PPARGC1A: variants seen among roughly 807,000 people sequenced by gnomAD.
The protein encoded by PPARGC1A is peroxisome proliferator-activated receptor gamma coactivator 1-alpha.
In PPARGC1A, 25 loss-of-function variants were observed where a neutral mutation model predicts 88.7. That is an observed-to-expected ratio of 0.28 (90% CI 0.21 to 0.39). The LOEUF (loss-of-function observed/expected upper bound fraction) is 0.39. Among genes scored for constraint, PPARGC1A ranks in the 10% least tolerant of loss-of-function variants. The pLI is 1.00. For synonymous variants in PPARGC1A, 363 were observed against 355.6 expected (o/e 1.02, Z -0.24); for missense variants, 880 against 968.7 (o/e 0.91, Z 1.22).
the PPARGC1A span, among the ~76,000 whole-genome samples, chr4:24,289,032 C>T: frequency 6.6e-6 from 1 of 151,882 alleles, no homozygotes; most frequent in African/African-American, 2.4e-5. Flanking sequence ...CCAGCCTGGC[C>T]AATATGGTGA....
chr4:24,121,542 T>C, the PPARGC1A span, among the ~76,000 whole-genome samples: 2 of 152,134 alleles, frequency 1.3e-5, no homozygotes, highest in African/African-American at 4.8e-5. Flanking sequence ...CCATACCCTC[T>C]TGGACACAGG....
chr4:23,860,484 T>A (rs547263968), intron 2 of PPARGC1A, among the ~76,000 whole-genome samples: 1 of 152,270 alleles, frequency 6.6e-6, no homozygotes, highest in East Asian at 1.9e-4. Flanking sequence ...AAAAAGTAAC[T>A]ATGTGAGGTG....
chr4:24,344,528 G>A, the PPARGC1A span, among the ~76,000 whole-genome samples: 12 of 151,282 alleles, frequency 7.9e-5, no homozygotes, highest in East Asian at 5.8e-4. Flanking sequence ...TCATATATTC[G>A]TTGGCCATTT....
chr4:23,967,963 G>C, the PPARGC1A span, among the ~76,000 whole-genome samples: 1 of 152,190 alleles, frequency 6.6e-6, no homozygotes, highest in Non-Finnish European at 1.5e-5. Flanking sequence ...GAGAGTCCAA[G>C]AGGTGAAGGG....
At chr4:24,207,717 T>C in the PPARGC1A span, among the ~76,000 whole-genome samples, 1 of 152,240 alleles carries the variant, frequency 6.6e-6, no homozygotes, top group Non-Finnish European at 1.5e-5. Context: ...AAAAATTTCC[T>C]CAGCCTCAAA....
At chr4:24,165,033 T>G in the PPARGC1A span, among the ~76,000 whole-genome samples, 2 of 152,320 alleles carry the variant, frequency 1.3e-5, no homozygotes, top group East Asian at 3.9e-4. Context: ...TACAATAATC[T>G]TTTGGTCAAT....
the PPARGC1A span, among the ~76,000 whole-genome samples, chr4:24,433,614 C>T: frequency 1.3e-5 from 2 of 152,058 alleles, no homozygotes; most frequent in Non-Finnish European, 2.9e-5. Context: ...TTTTAGATAA[C>T]GACTTTCCTC....
the PPARGC1A span, among the ~76,000 whole-genome samples, chr4:24,207,937 T>C: frequency 6.6e-6 from 1 of 152,172 alleles, no homozygotes; most frequent in African/African-American, 2.4e-5. Flanking sequence ...TGCCCTTCCA[T>C]TGGCTAGATA....
chr4:23,844,738 A>ATATAT (rs570932595), intron 2 of PPARGC1A, among the ~76,000 whole-genome samples: 2,531 of 30,132 alleles, frequency 0.084, 231 homozygotes, highest in East Asian at 0.14. Context: ...AATATATGAT[A>ATATAT]TATCATAATA....
At chr4:23,840,266 C>A (rs150883321) in intron 2 of PPARGC1A, among the ~76,000 whole-genome samples, 2 of 151,930 alleles carry the variant, frequency 1.3e-5, no homozygotes, top group East Asian at 3.9e-4. Flanking sequence ...AGGGATGAAC[C>A]CAGACTACAC....
the PPARGC1A span, among the ~76,000 whole-genome samples, chr4:24,385,875 C>T: frequency 3.9e-5 from 6 of 152,214 alleles, no homozygotes; most frequent in East Asian, 1.2e-3. Flanking sequence ...AGAAGGACTC[C>T]TCCCTAACAC....
the PPARGC1A span, among the ~76,000 whole-genome samples, chr4:24,028,243 C>T: frequency 0.4 from 60,099 of 151,966 alleles, 12,209 homozygotes; most frequent in East Asian, 0.6. Flanking sequence ...TTTAAAATGA[C>T]AAAATAAAAC....
chr4:23,908,627 G>T (rs911506880), upstream of PPARGC1A, among the ~76,000 whole-genome samples: 1 of 151,956 alleles, frequency 6.6e-6, no homozygotes, highest in African/African-American at 2.4e-5. Context: ...CACGTCAAAG[G>T]GTGCAGAACA....
the PPARGC1A span, among the ~76,000 whole-genome samples, chr4:24,004,914 T>C: frequency 3.9e-5 from 6 of 152,164 alleles, no homozygotes; most frequent in Non-Finnish European, 5.9e-5. Context: ...AACAGGGTCA[T>C]GTGTATAAGG....
At chr4:24,260,939 C>A in the PPARGC1A span, among the ~76,000 whole-genome samples, 3,587 of 152,254 alleles carry the variant, frequency 0.024, 133 homozygotes, top group African/African-American at 0.082. Context: ...TGAATTTCCA[C>A]CTTGACGCTT....
chr4:24,372,353 T>C, the PPARGC1A span, among the ~76,000 whole-genome samples: 1 of 152,164 alleles, frequency 6.6e-6, no homozygotes, highest in African/African-American at 2.4e-5. Context: ...CACCTAGAAA[T>C]TGTTGGCTAG....
At chr4:24,333,940 C>CAACAACAAA in the PPARGC1A span, among the ~76,000 whole-genome samples, 1 of 13,830 alleles carries the variant, frequency 7.2e-5, no homozygotes, top group African/African-American at 1.9e-4. Context: ...ACAACAACAA[C>CAACAACAAA]AAAAAAAAAA....
chr4:24,466,822 G>A, the PPARGC1A span, among the ~76,000 whole-genome samples: 2 of 136,680 alleles, frequency 1.5e-5, no homozygotes, highest in African/African-American at 2.8e-5. Flanking sequence ...GCTGAGACAG[G>A]AGAATTGCTT....
intron 1 of PPARGC1A, chr4:23,889,304 G>T (rs752759220): frequency 1.0e-6 from 1 of 985,268 alleles, no homozygotes; most frequent in Non-Finnish European, 1.2e-6. Context: ...CTTTTTATTC[G>T]CTGGCCAAAT....
Sources: allele counts gnomAD v4.1 joint callset (sites outside exome capture counted in the v4.1 genomes callset), GRCh38; gene constraint gnomAD v4.1.1; transcripts MANE v1.5; gene names NCBI Gene and HGNC (gene_info 2026-07-23, HGNC 2026-07-21).